Variants in OSBPL8 observed in about 807,000 individuals in gnomAD.
OSBPL8 encodes oxysterol binding protein like 8.
Under a neutral mutation model 125.5 loss-of-function variants are expected in OSBPL8, and 59 were observed. The observed-to-expected ratio is 0.47, with a 90% CI of 0.38 to 0.58. OSBPL8 has a LOEUF of 0.58. Among genes scored for constraint, OSBPL8 ranks in the 20% least tolerant of loss-of-function variants. The pLI, the probability that OSBPL8 is intolerant of heterozygous loss-of-function variation, is 0.00. For missense variants in OSBPL8, 758 were observed against 1,047.8 expected, an observed-to-expected ratio of 0.72 and a Z score of 3.82; for synonymous variants, 330 against 338.9, an observed-to-expected ratio of 0.97 and a Z score of 0.29.
chr12:76,502,001 A>G (rs999436901), intron 1 of OSBPL8, among the ~76,000 whole-genome samples: 1 of 152,262 alleles, frequency 6.6e-6, no homozygotes, highest in African/African-American at 2.4e-5. Context: ...AATGTAGTAC[A>G]GCAATGAATC....
Position 76,434,372 on chromosome 12 carries a change from T to C in OSBPL8, c.217+16479A>G, listed in dbSNP as rs1303351554. On this transcript the variant is annotated intron_variant, in intron 4 of 23. Transcript: ENST00000261183. Reference sequence around the variant, plus strand: ...ATCAACTCAAAATGAATTAAAGACTTAAATGTAAGAGCTCAAACCATAAAA... The same window carrying C: ...ATCAACTCAAAATGAATTAAAGACTCAAATGTAAGAGCTCAAACCATAAAA... Among the ~76,000 whole-genome samples, 3 of 152,084 alleles carry C rather than the reference T, an allele frequency of 2.0e-5. No homozygotes were observed. In the East Asian group the frequency reaches 5.8e-4, roughly 29 times the overall value.
intron 1 of OSBPL8, among the ~76,000 whole-genome samples, chr12:76,556,883 C>T (rs942870951): frequency 6.6e-6 from 1 of 152,136 alleles, no homozygotes; most frequent in Admixed American, 6.5e-5. Flanking sequence ...CCAGGCGGGT[C>T]TTGAACTTCT....
chr12:76,383,132 T>C (rs1234954933), intron 15 of OSBPL8, among the ~76,000 whole-genome samples: 3 of 152,124 alleles, frequency 2.0e-5, no homozygotes, highest in African/African-American at 7.2e-5. Context: ...AACAGATAGC[T>C]CTGATGTATA....
chr12:76,369,687 T>C lies in OSBPL8; in HGVS notation c.2190A>G (p.Lys730=). 2 of 1,613,740 alleles carry C rather than the reference T, an allele frequency of 1.2e-6. No individual in the cohort carries two copies. Among genetic ancestry groups the C allele is most frequent in the Non-Finnish European group, 1.7e-6 (2 of 1,179,764 alleles). The change falls in exon 20 of 24, where the codon AAA becomes AAG. Residue 730 remains lysine (K), a synonymous_variant. Coordinates refer to ENST00000261183, the MANE Select transcript of OSBPL8 (RefSeq NM_020841.5). ...CTGTGAGTGGATCAAGTTCAAATAA[T>C]TTGCAAGACCACTCTTCATTTTTTG... The part of the protein sequence containing the change: ...RKTKNEEWSC[K]LFELDPLTGE...
At chr12:76,429,992 C>A (rs1313988172) in intron 4 of OSBPL8, among the ~76,000 whole-genome samples, 1 of 152,030 alleles carries the variant, frequency 6.6e-6, no homozygotes, top group Non-Finnish European at 1.5e-5. Context: ...AGAAACCATG[C>A]CCACTAGCAC....
intron 2 of OSBPL8, among the ~76,000 whole-genome samples, chr12:76,478,120 T>C (rs180873318): frequency 1.3e-5 from 2 of 152,094 alleles, no homozygotes; most frequent in Admixed American, 1.3e-4. Flanking sequence ...AAGAATTGCT[T>C]GAACCTGGGA....
intron 1 of OSBPL8, among the ~76,000 whole-genome samples, chr12:76,535,965 T>A (rs1308181457): frequency 6.7e-6 from 1 of 149,108 alleles, no homozygotes; most frequent in African/African-American, 2.6e-5. Context: ...AGCAGTAACA[T>A]GGGTGTATAC....
intron 4 of OSBPL8, among the ~76,000 whole-genome samples, chr12:76,439,653 C>T (rs1453416256): frequency 1.3e-5 from 2 of 151,772 alleles, no homozygotes; most frequent in Admixed American, 1.3e-4. Context: ...TAAAAGTAAT[C>T]TGTATTACTA....
intron 2 of OSBPL8, among the ~76,000 whole-genome samples, chr12:76,487,046 T>TTC (rs1294998631): frequency 6.8e-6 from 1 of 148,132 alleles, no homozygotes; most frequent in African/African-American, 2.5e-5. Context: ...TTTTTTTTTT[T>TTC]AGAGACCGAG....
intron 1 of OSBPL8, among the ~76,000 whole-genome samples, chr12:76,554,127 T>C (rs1369974463): frequency 6.6e-6 from 1 of 152,166 alleles, no homozygotes; most frequent in Admixed American, 6.5e-5. Context: ...CGAAATTCTC[T>C]GAAATTCCCC....
intron 4 of OSBPL8, among the ~76,000 whole-genome samples, chr12:76,420,078 T>C (rs1048844800): frequency 2.0e-5 from 3 of 152,140 alleles, no homozygotes; most frequent in Non-Finnish European, 4.4e-5. Flanking sequence ...CTTTTTGATA[T>C]ACCTGGTTCA....
chr12:76,411,315 A>G (rs938366221), intron 4 of OSBPL8, among the ~76,000 whole-genome samples: 21 of 152,170 alleles, frequency 1.4e-4, no homozygotes, highest in Admixed American at 6.5e-5. Context: ...AATTATATTG[A>G]GACTTGTGTG....
At chr12:76,547,072 C>A (rs757416238) in intron 1 of OSBPL8, among the ~76,000 whole-genome samples, 1 of 152,102 alleles carries the variant, frequency 6.6e-6, no homozygotes, top group South Asian at 2.1e-4. Flanking sequence ...TTAAATCTGG[C>A]GTGTAAAAAC....
At chr12:76,554,067 C>A (rs1951024738) in intron 1 of OSBPL8, among the ~76,000 whole-genome samples, 1 of 150,606 alleles carries the variant, frequency 6.6e-6, no homozygotes, top group African/African-American at 2.4e-5. Flanking sequence ...ATTATAACAA[C>A]TTAGCTTTAA....
intron 21 of OSBPL8, among the ~76,000 whole-genome samples, chr12:76,362,367 G>A (rs988244400): frequency 6.6e-6 from 1 of 151,852 alleles, no homozygotes; most frequent in African/African-American, 2.4e-5. Flanking sequence ...GGGATGCAAG[G>A]CGGGTTCAAC....
chr12:76,459,758 C>T (rs1345194092), intron 3 of OSBPL8, 101 bp downstream of exon 3: 7 of 1,361,776 alleles, frequency 5.1e-6, no homozygotes, highest in Non-Finnish European at 7.3e-6. Flanking sequence ...AAGTAGAACA[C>T]TTAATAATTC....
chr12:76,501,888 A>G (rs1442331195), intron 1 of OSBPL8, among the ~76,000 whole-genome samples: 2 of 152,224 alleles, frequency 1.3e-5, no homozygotes, highest in African/African-American at 4.8e-5. Context: ...CCCTCCATGC[A>G]ATGCTTCTGC....
At position 76,410,756 on chromosome 12, in the gene OSBPL8, A is replaced by G. The variant is rs564963738; in HGVS notation, c.218-122T>C. ...GCAGGAAGCCTGTACACACAGCTTT[A>G]AACTATTAAAGATCTCTAGAGGGTC... On this transcript the variant is annotated intron_variant, in intron 4 of 23. Transcript: ENST00000261183. 7.8e-5 allele frequency: 50 copies of G among 642,882 alleles called. No individual in the cohort carries two copies. The East Asian group carries it at 1.2e-3, about 16-fold the overall frequency. 39.8% of individuals were successfully genotyped at this position (642,882 alleles called of 1,614,324 possible).
Position 76,454,177 on chromosome 12 carries a change from T to C in OSBPL8, c.80-3189A>G, listed in dbSNP as rs536668761. On this transcript the variant is annotated intron_variant, in intron 3 of 23. Coordinates refer to ENST00000261183, the MANE Select transcript of OSBPL8 (RefSeq NM_020841.5). ...CCCTGTGGGTCCAACAATTCCACTC[T>C]TGGATCTAGAAAAACTTTTACAGGT... 7.9e-5 allele frequency among the ~76,000 whole-genome samples: 12 copies of C among 152,318 alleles called. No individual in the cohort carries two copies. The South Asian group carries it at 2.5e-3, about 32-fold the overall frequency.
Sources: gnomAD v4.1 joint callset for allele counts (sites outside exome capture counted in the v4.1 genomes callset) on GRCh38, gnomAD v4.1.1 for gene constraint, MANE v1.5 for transcripts, NCBI Gene and HGNC (gene_info 2026-07-23, HGNC 2026-07-21) for gene names.